Variants in FER observed in about 807,000 individuals in gnomAD.
FER encodes the protein FER tyrosine kinase.
A neutral mutation model predicts 111.0 loss-of-function variants in FER; 63 were observed. That is an observed-to-expected ratio of 0.57 (90% CI 0.46 to 0.70). The LOEUF is 0.70. Among genes scored for constraint, FER ranks in the 30% least tolerant of loss-of-function variants. The pLI is 0.00. For missense variants in FER, 914 were observed against 954.0 expected (o/e 0.96, Z 0.55); for synonymous variants, 327 against 313.9 (o/e 1.04, Z -0.44).
chr5:109,054,799 A>G (rs1017477474), intron 16 of FER, among the ~76,000 whole-genome samples: 1 of 152,178 alleles, frequency 6.6e-6, no homozygotes, highest in Non-Finnish European at 1.5e-5. Flanking sequence ...TATTTTTGGC[A>G]TGTGGATATC....
At chr5:108,797,695 C>G (rs544363735) in intron 2 of FER, among the ~76,000 whole-genome samples, 1 of 152,354 alleles carries the variant, frequency 6.6e-6, no homozygotes, top group Non-Finnish European at 1.5e-5. Flanking sequence ...AAACTGGGTA[C>G]TGTGATTGCT....
intron 3 of FER, among the ~76,000 whole-genome samples, chr5:108,814,833 T>G (rs2150086653): frequency 6.6e-6 from 1 of 152,308 alleles, no homozygotes; most frequent in Middle Eastern, 3.4e-3. Flanking sequence ...CATTCTGTCT[T>G]TAATCCTGAG....
chr5:109,164,260 A>G (rs1756306249), intron 17 of FER, among the ~76,000 whole-genome samples: 1 of 152,186 alleles, frequency 6.6e-6, no homozygotes, highest in Non-Finnish European at 1.5e-5. Context: ...CCACGCTGGC[A>G]TAGTGTGTTA....
intron 10 of FER, among the ~76,000 whole-genome samples, chr5:108,945,394 C>G (rs1171084344): frequency 1.3e-5 from 2 of 151,954 alleles, no homozygotes; most frequent in Admixed American, 6.6e-5. Flanking sequence ...TTACCTACCC[C>G]ATTCACTTAT....
chr5:108,794,541 C>T (rs1479726063), intron 2 of FER, among the ~76,000 whole-genome samples: 6 of 141,250 alleles, frequency 4.2e-5, no homozygotes, highest in African/African-American at 1.3e-4. Flanking sequence ...CCCCCCTCCC[C>T]GCACCTTAAC....
chr5:109,164,323 T>C (rs992508650), intron 17 of FER, among the ~76,000 whole-genome samples: 1 of 152,154 alleles, frequency 6.6e-6, no homozygotes, highest in Non-Finnish European at 1.5e-5. Context: ...GACCCTGTCT[T>C]CCATTAGTGA....
intron 13 of FER, among the ~76,000 whole-genome samples, chr5:109,032,567 A>G (rs1322859085): frequency 2.0e-5 from 3 of 152,204 alleles, no homozygotes; most frequent in Admixed American, 6.5e-5. Context: ...TCCACAAGTT[A>G]TTAGAACTAG....
chr5:108,794,612 A>G (rs1755808433), intron 2 of FER, among the ~76,000 whole-genome samples: 1 of 143,254 alleles, frequency 7.0e-6, no homozygotes, highest in East Asian at 2.1e-4. Flanking sequence ...GTTTGGGAAC[A>G]TCTTTATTTC....
In FER at chr5:108,758,904, G is replaced by A. The variant is rs1249866624; in HGVS notation, c.-205-9189G>A. Among the ~76,000 whole-genome samples, 7 of 152,058 alleles carry A rather than the reference G, an allele frequency of 4.6e-5. No homozygotes were observed. The East Asian group carries it at 1.4e-3, about 29-fold the overall frequency. ...CATACATTTCCTCCTTTGTATATAT[G>A]CCCTTGAAAAAAATGCCCTCACCTA... On this transcript the variant is annotated intron_variant, in intron 1 of 19. Transcript: ENST00000281092.
intron 17 of FER, among the ~76,000 whole-genome samples, chr5:109,140,516 A>T (rs1020279462): frequency 2.0e-5 from 3 of 152,216 alleles, no homozygotes; most frequent in African/African-American, 7.2e-5. Context: ...GTAGCTAGAA[A>T]ATGTGGCTTT....
intron 17 of FER, among the ~76,000 whole-genome samples, chr5:109,131,856 A>G (rs1019828040): frequency 6.6e-6 from 1 of 152,188 alleles, no homozygotes; most frequent in Non-Finnish European, 1.5e-5. Context: ...CCATGTTAGT[A>G]TCATGCATAC....
intron 3 of FER, among the ~76,000 whole-genome samples, chr5:108,824,437 A>G (rs982117558): frequency 1.3e-5 from 2 of 152,140 alleles, no homozygotes; most frequent in East Asian, 1.9e-4. Context: ...GAACGTAAAC[A>G]TATTTTCCAT....
intron 13 of FER, among the ~76,000 whole-genome samples, chr5:109,033,950 CAT>C (rs1770003176): frequency 6.6e-6 from 1 of 152,108 alleles, no homozygotes; most frequent in African/African-American, 2.4e-5. Flanking sequence ...AGCTAACTAA[CAT>C]ATCCATCACT....
At chr5:108,825,468 G>A (rs1273831989) in intron 3 of FER, among the ~76,000 whole-genome samples, 1 of 152,162 alleles carries the variant, frequency 6.6e-6, no homozygotes, top group East Asian at 1.9e-4. Flanking sequence ...AGAGTTTAAG[G>A]TTATCTCTCT....
intron 17 of FER, among the ~76,000 whole-genome samples, chr5:109,143,134 G>T (rs955842790): frequency 6.6e-6 from 1 of 152,134 alleles, no homozygotes; most frequent in Non-Finnish European, 1.5e-5. Flanking sequence ...AAAAATGCTA[G>T]CAGCTCTGTC....
At chr5:109,012,673 A>G (rs1766445948) in intron 13 of FER, among the ~76,000 whole-genome samples, 1 of 152,256 alleles carries the variant, frequency 6.6e-6, no homozygotes, top group Non-Finnish European at 1.5e-5. Context: ...GTTCAAAGAA[A>G]TACTTTGTCT....
chr5:109,159,368 A>G (rs982763341), intron 17 of FER, among the ~76,000 whole-genome samples: 15 of 152,152 alleles, frequency 9.9e-5, no homozygotes, highest in Admixed American at 6.6e-5. Context: ...TTATAGCAGC[A>G]TCTCTCATTC....
intron 6 of FER, among the ~76,000 whole-genome samples, chr5:108,868,232 G>A (rs917543102): frequency 6.6e-6 from 1 of 152,020 alleles, no homozygotes; most frequent in Admixed American, 6.6e-5. Flanking sequence ...AAAAGTGTTA[G>A]GAAGTGAATA....
At chr5:109,020,979 CA>C (rs1157230716) in intron 13 of FER, among the ~76,000 whole-genome samples, 1 of 151,882 alleles carries the variant, frequency 6.6e-6, no homozygotes, top group Admixed American at 6.6e-5. Flanking sequence ...TGCTTGTAAC[CA>C]GGAGTTAAGG....
Sources: allele counts gnomAD v4.1 joint callset (sites outside exome capture counted in the v4.1 genomes callset), GRCh38; gene constraint gnomAD v4.1.1; transcripts MANE v1.5; gene names NCBI Gene and HGNC (gene_info 2026-07-23, HGNC 2026-07-21).